L3MBTL4: variants seen among roughly 807,000 people sequenced by gnomAD.
L3MBTL4 encodes the protein lethal(3)malignant brain tumor-like protein 4.
L3MBTL4 carries 70 observed loss-of-function variants against 84.5 expected under a neutral mutation model. That is an observed-to-expected ratio of 0.83 (90% confidence interval 0.68 to 1.01). The LOEUF is 1.01. Among genes scored for constraint, L3MBTL4 ranks in the 50% least tolerant of loss-of-function variants. The pLI, the probability that L3MBTL4 is intolerant of heterozygous loss-of-function variation, is 0.00. For synonymous variants in L3MBTL4, 274 were observed against 259.8 expected (o/e 1.05, Z -0.52); for missense variants, 715 against 754.8 (o/e 0.95, Z 0.62).
chr18:6,138,308 A>G lies in L3MBTL4; in HGVS notation c.1097-12T>C. The G allele has an allele frequency of 6.4e-7, 1 of 1,558,322 alleles. No homozygotes were observed. The highest frequency in any genetic ancestry group is 8.8e-7 in the Non-Finnish European group (1 of 1,132,998). The stretch of plus-strand genomic sequence containing the variant: ...CAGGTCATTCGTTCCTTCAGGAAGT[A>G]AAAGAACATGCCTTGAAAACACCCT... On this transcript the variant is annotated splice_polypyrimidine_tract_variant and intron_variant, in intron 13 of 18. Transcript: ENST00000317931.
chr18:6,007,208 G>A (rs72860712), intron 16 of L3MBTL4, among the ~76,000 whole-genome samples: 2,773 of 151,748 alleles, frequency 0.018, 37 homozygotes, highest in Non-Finnish European at 0.027. Flanking sequence ...CTCATATCAC[G>A]GAGAAAAATC....
In L3MBTL4 at chr18:6,329,614, C is replaced by T. The variant is rs373667984; in HGVS notation, c.-90-17558G>A. Among the ~76,000 whole-genome samples the T allele has an allele frequency of 4.9e-4, 74 of 152,278 alleles. 1 individual carries two copies. In the South Asian group the frequency reaches 0.015, roughly 31 times the overall value. ...CTGAGAAGTTCAAGGTTGAGTGGGGCACATCTGGTGAGGGCCTTCTTGCGG... is the reference window on the plus strand; with the variant it reads ...CTGAGAAGTTCAAGGTTGAGTGGGGTACATCTGGTGAGGGCCTTCTTGCGG... On this transcript the variant is annotated intron_variant, in intron 1 of 18. Coordinates refer to ENST00000317931, the MANE Select transcript of L3MBTL4 (RefSeq NM_001330559.2).
At chr18:6,011,317 A>T (rs994584725) in intron 16 of L3MBTL4, among the ~76,000 whole-genome samples, 1 of 151,320 alleles carries the variant, frequency 6.6e-6, no homozygotes, top group African/African-American at 2.4e-5. Flanking sequence ...GATAAACAAT[A>T]AAAAAAAAGG....
At position 5,955,679 on chromosome 18, in the gene L3MBTL4, T is replaced by A. The variant is rs764930269; in HGVS notation, c.*541A>T. On this transcript the variant is annotated 3_prime_UTR_variant, in exon 19 of 19. Coordinates refer to ENST00000317931, the MANE Select transcript of L3MBTL4 (RefSeq NM_001330559.2). ...AAAACATGTGCTTATTATTATTATT[T>A]TTTAGAGATTCACACTTTCCTGAGT... 6.6e-6 allele frequency: 1 copy of A among 152,244 alleles called. No homozygotes were observed. Among genetic ancestry groups the A allele is most frequent in the Non-Finnish European group, 1.5e-5 (1 of 68,066 alleles). The allele number at this position is 152,244 out of a possible 1,614,324, so 9.4% of individuals were successfully genotyped here.
At chr18:6,140,269 C>A (rs1026559171) in intron 13 of L3MBTL4, among the ~76,000 whole-genome samples, 21 of 152,206 alleles carry the variant, frequency 1.4e-4, no homozygotes, top group African/African-American at 5.1e-4. Flanking sequence ...CCTTGTCTAA[C>A]TTAGATTCTA....
rs868860461 is a variant in L3MBTL4, at chr18:6,041,857, T to C, written c.1444+39024A>G. Among the ~76,000 whole-genome samples, 5 of 152,072 alleles carry C rather than the reference T, an allele frequency of 3.3e-5. No homozygotes were observed. The South Asian group carries it at 1.0e-3, about 31-fold the overall frequency. On this transcript the variant is annotated intron_variant, in intron 16 of 18. Transcript: ENST00000317931. ...TTCCCATCTCAACCTCCTGAGTAGC[T>C]GGGACTATAGGTGTGTGCCACCATG...
chr18:6,231,106 G>C lies in L3MBTL4; in HGVS notation c.784+6858C>G, dbSNP rs115240706. 3.3e-3 allele frequency among the ~76,000 whole-genome samples: 501 copies of C among 151,996 alleles called. 1 individual carries two copies. Among genetic ancestry groups the C allele is most frequent in the African/African-American group, 0.011 (464 of 41,486 alleles). On this transcript the variant is annotated intron_variant, in intron 10 of 18. Coordinates refer to ENST00000317931, the MANE Select transcript of L3MBTL4 (RefSeq NM_001330559.2). ...ATTAGGTCCCATTTGTCAATTTTTGGTTTTGCTGAAGTTGCTTTTGGTGTC... is the reference window on the plus strand; with the variant it reads ...ATTAGGTCCCATTTGTCAATTTTTGCTTTTGCTGAAGTTGCTTTTGGTGTC...
At chr18:6,065,471 G>A (rs1317531456) in intron 16 of L3MBTL4, among the ~76,000 whole-genome samples, 1 of 151,788 alleles carries the variant, frequency 6.6e-6, no homozygotes, top group East Asian at 1.9e-4. Flanking sequence ...AAATCCATCT[G>A]GTCCTGGACT....
chr18:6,012,790 A>G (rs2054796661), intron 16 of L3MBTL4, among the ~76,000 whole-genome samples: 1 of 152,118 alleles, frequency 6.6e-6, no homozygotes, highest in Non-Finnish European at 1.5e-5. Flanking sequence ...CAAACAAATA[A>G]ACGAACAAAA....
intron 1 of L3MBTL4, among the ~76,000 whole-genome samples, chr18:6,356,542 A>T (rs1163776454): frequency 1.3e-5 from 2 of 152,254 alleles, no homozygotes; most frequent in African/African-American, 4.8e-5. Flanking sequence ...CTCAGGCTAT[A>T]TGGAATGGCC....
intron 1 of L3MBTL4, among the ~76,000 whole-genome samples, chr18:6,399,403 C>A (rs925680621): frequency 6.6e-6 from 1 of 151,534 alleles, no homozygotes; most frequent in African/African-American, 2.4e-5. Context: ...AACCACTGCA[C>A]TCCAGCATAG....
chr18:6,261,286 G>C (rs900659609), intron 5 of L3MBTL4, among the ~76,000 whole-genome samples: 1 of 152,218 alleles, frequency 6.6e-6, no homozygotes, highest in Admixed American at 6.5e-5. Flanking sequence ...TGGGCAGCTT[G>C]AGTGTTAGAT....
chr18:6,160,079 T>G (rs1352391505), intron 13 of L3MBTL4, among the ~76,000 whole-genome samples: 1 of 152,212 alleles, frequency 6.6e-6, no homozygotes, highest in Non-Finnish European at 1.5e-5. Context: ...CCTGGGGGGC[T>G]GCCCTGCTGG....
chr18:6,264,173 T>A (rs1441212838), intron 4 of L3MBTL4, 135 bp from the exon 5 acceptor site: 5 of 642,398 alleles, frequency 7.8e-6, no homozygotes, highest in Non-Finnish European at 1.4e-5. Flanking sequence ...CTAAGAAGAG[T>A]CTTCTCTCTC....
chr18:6,230,516 G>A (rs2046954682), intron 10 of L3MBTL4, among the ~76,000 whole-genome samples: 1 of 152,112 alleles, frequency 6.6e-6, no homozygotes, highest in Non-Finnish European at 1.5e-5. Flanking sequence ...ATGTCTTTGA[G>A]ATTGTGAATA....
intron 4 of L3MBTL4, among the ~76,000 whole-genome samples, chr18:6,268,059 G>A (rs62079187): frequency 0.084 from 12,829 of 152,222 alleles, 727 homozygotes; most frequent in Non-Finnish European, 0.13. Context: ...GGAAACTGTC[G>A]TGGTATTTTC....
At chr18:6,000,030 A>G (rs1293601597) in intron 16 of L3MBTL4, among the ~76,000 whole-genome samples, 4 of 152,176 alleles carry the variant, frequency 2.6e-5, no homozygotes, top group Admixed American at 6.5e-5. Flanking sequence ...TTTCCTGTCA[A>G]TATAGATGTG....
intron 1 of L3MBTL4, among the ~76,000 whole-genome samples, chr18:6,340,612 G>C (rs777651961): frequency 6.6e-6 from 1 of 152,136 alleles, no homozygotes; most frequent in Non-Finnish European, 1.5e-5. Flanking sequence ...CCAGTGCACA[G>C]ATCACAACAG....
At chr18:6,115,320 G>A (rs2059324419) in intron 14 of L3MBTL4, among the ~76,000 whole-genome samples, 2 of 152,196 alleles carry the variant, frequency 1.3e-5, no homozygotes, top group Admixed American at 6.5e-5. Context: ...AGTAGAATGG[G>A]CATGAACTAA....
Sources: allele counts gnomAD v4.1 joint callset (sites outside exome capture counted in the v4.1 genomes callset), GRCh38; gene constraint gnomAD v4.1.1; transcripts MANE v1.5; gene names NCBI Gene and HGNC (gene_info 2026-07-23, HGNC 2026-07-21).